The following TOM1L2 variants were observed in gnomAD, a reference collection of about 807,000 sequenced individuals.
TOM1L2 encodes target of myb1 like 2 membrane trafficking protein.
Under a neutral mutation model 67.9 loss-of-function variants are expected in TOM1L2, and 31 were observed. That is an observed-to-expected ratio of 0.46 (90% CI 0.34 to 0.62). The LOEUF is 0.62. Among genes scored for constraint, TOM1L2 ranks in the 20% least tolerant of loss-of-function variants. The pLI is 0.01. For missense variants in TOM1L2, 606 were observed against 663.5 expected (o/e 0.91, Z 0.95); for synonymous variants, 256 against 254.0 (o/e 1.01, Z -0.07).
At chr17:17,909,880 T>C (rs2039267627) in intron 1 of TOM1L2, among the ~76,000 whole-genome samples, 1 of 152,072 alleles carries the variant, frequency 6.6e-6, no homozygotes, top group African/African-American at 2.4e-5. Flanking sequence ...AATTTAAAAA[T>C]TAGCTGGGCA....
intron 4 of TOM1L2, among the ~76,000 whole-genome samples, chr17:17,889,182 G>A (rs1223539926): frequency 2.0e-5 from 3 of 152,198 alleles, no homozygotes; most frequent in African/African-American, 4.8e-5. Context: ...GGGTGGCTAC[G>A]GATGGCTGGA....
intron 10 of TOM1L2, 138 bp downstream of exon 10, chr17:17,866,158 T>G: frequency 9.2e-7 from 1 of 1,084,378 alleles, no homozygotes; most frequent in Admixed American, 3.1e-5. Flanking sequence ...TACAACTGGC[T>G]AGGACTCAGG....
intron 1 of TOM1L2, among the ~76,000 whole-genome samples, chr17:17,923,998 C>T (rs1165920983): frequency 6.6e-6 from 1 of 151,858 alleles, no homozygotes; most frequent in Non-Finnish European, 1.5e-5. Flanking sequence ...ATTAGCCAGG[C>T]ATGGTGGTAT....
intron 1 of TOM1L2, among the ~76,000 whole-genome samples, chr17:17,927,605 A>G (rs1005072011): frequency 2.0e-5 from 3 of 152,080 alleles, no homozygotes; most frequent in Non-Finnish European, 2.9e-5. Context: ...TAGATATTTT[A>G]TGATATTAAG....
chr17:17,895,027 G>T lies in TOM1L2; in HGVS notation c.217-1217C>A, dbSNP rs534665692. Among the ~76,000 whole-genome samples, 16 of 152,154 alleles carry T rather than the reference G, an allele frequency of 1.1e-4. No individual in the cohort carries two copies. The South Asian group carries it at 2.1e-3, about 20-fold the overall frequency. On this transcript the variant is annotated intron_variant, in intron 3 of 14. Transcript: ENST00000379504. Reference sequence around the variant, plus strand: ...TGCACATAGCAAAGTATCCTGCATAGGGGAGGTGCCCAATAACTGATGACC... The same window carrying T: ...TGCACATAGCAAAGTATCCTGCATATGGGAGGTGCCCAATAACTGATGACC...
intron 1 of TOM1L2, among the ~76,000 whole-genome samples, chr17:17,921,816 C>T (rs528992859): frequency 1.0e-3 from 153 of 152,290 alleles, no homozygotes; most frequent in African/African-American, 3.4e-3. Context: ...GTCTGCTTTG[C>T]TGCCAATTTC....
intron 12 of TOM1L2, among the ~76,000 whole-genome samples, chr17:17,852,593 C>T (rs999412424): frequency 2.6e-5 from 4 of 152,148 alleles, no homozygotes; most frequent in Non-Finnish European, 4.4e-5. Flanking sequence ...GAGCAGGGCA[C>T]GGTGGCTCAT....
At position 17,847,474 on chromosome 17, in the gene TOM1L2, G is replaced by T; in HGVS notation, c.*161C>A. 1 of 919,376 alleles carries T rather than the reference G, an allele frequency of 1.1e-6. No individual in the cohort carries two copies. The highest frequency in any genetic ancestry group is 1.6e-6 in the Non-Finnish European group (1 of 626,920). 57.0% of individuals were successfully genotyped at this position (919,376 alleles called of 1,614,324 possible). ...CAGAGAAAAGAAGTGGCTGAAGCTGGTCCTGACTAGTGGGAGGCCTGGGAG... is the reference window on the plus strand; with the variant it reads ...CAGAGAAAAGAAGTGGCTGAAGCTGTTCCTGACTAGTGGGAGGCCTGGGAG... On this transcript the variant is annotated 3_prime_UTR_variant, in exon 15 of 15. Transcript: ENST00000379504.
intron 1 of TOM1L2, among the ~76,000 whole-genome samples, chr17:17,914,072 G>C (rs544417091): frequency 2.0e-5 from 3 of 152,228 alleles, no homozygotes; most frequent in African/African-American, 4.8e-5. Flanking sequence ...GTCTCCTCTT[G>C]AGGAGGCTGC....
chr17:17,922,895 T>C (rs1038355497), intron 1 of TOM1L2, among the ~76,000 whole-genome samples: 2 of 152,118 alleles, frequency 1.3e-5, no homozygotes, highest in Non-Finnish European at 2.9e-5. Flanking sequence ...GTGGCCACCT[T>C]AACTGCCTCC....
At chr17:17,949,917 C>CTAGA (rs1244116191) in intron 1 of TOM1L2, among the ~76,000 whole-genome samples, 5 of 152,128 alleles carry the variant, frequency 3.3e-5, no homozygotes, top group African/African-American at 1.2e-4. Flanking sequence ...GTCACCCAGG[C>CTAGA]TAGAGTGCAG....
At chr17:17,871,137 G>A (rs151152770) in intron 7 of TOM1L2, among the ~76,000 whole-genome samples, 1,722 of 152,342 alleles carry the variant, frequency 0.011, 51 homozygotes, top group Admixed American at 0.066. Context: ...ATTGGAGGCC[G>A]AGGCGGATGG....
chr17:17,912,196 G>A (rs1353404439), intron 1 of TOM1L2, among the ~76,000 whole-genome samples: 3 of 150,812 alleles, frequency 2.0e-5, no homozygotes, highest in African/African-American at 7.3e-5. Flanking sequence ...GGTGGTGGCC[G>A]GGCAGAGGGG....
At chr17:17,888,862 T>G (rs550111090) in intron 4 of TOM1L2, among the ~76,000 whole-genome samples, 2 of 152,298 alleles carry the variant, frequency 1.3e-5, no homozygotes, top group South Asian at 4.1e-4. Context: ...TGGGACTTAA[T>G]GTAAGCAAAC....
chr17:17,940,192 C>CAAAAAAAAAAAAAAAAAAA (rs34433429), intron 1 of TOM1L2, among the ~76,000 whole-genome samples: 1 of 32,604 alleles, frequency 3.1e-5, no homozygotes, highest in African/African-American at 8.8e-5. Flanking sequence ...GACTCTATCT[C>CAAAAAAAAAAAAAAAAAAA]AAAAAAAAAA....
chr17:17,931,161 C>G (rs2040317260), intron 1 of TOM1L2, among the ~76,000 whole-genome samples: 1 of 152,174 alleles, frequency 6.6e-6, no homozygotes, highest in Non-Finnish European at 1.5e-5. Flanking sequence ...CCAAACCAGA[C>G]TCCTCTTTCC....
chr17:17,862,191 A>G (rs1412475761), intron 11 of TOM1L2: 1 of 153,360 alleles, frequency 6.5e-6, no homozygotes, highest in Non-Finnish European at 1.5e-5. Flanking sequence ...TAGGCTGAAC[A>G]GAAAGCTCAA....
chr17:17,898,685 GA>G lies in TOM1L2; in HGVS notation c.138-12del. ...ATGGCATCCTTTGGCCTGGAAAAAA[GA>G]ACAGACATATAAAGATACTTACAAT... On this transcript the variant is annotated splice_polypyrimidine_tract_variant and intron_variant, in intron 2 of 14. Coordinates refer to ENST00000379504, the MANE Select transcript of TOM1L2 (RefSeq NM_001082968.2). 1 of 1,614,148 alleles carries G rather than the reference GA, an allele frequency of 6.2e-7. No individual in the cohort carries two copies. The highest frequency in any genetic ancestry group is 8.5e-7 in the Non-Finnish European group (1 of 1,180,014).
chr17:17,945,269 C>T (rs1335313022), intron 1 of TOM1L2, among the ~76,000 whole-genome samples: 1 of 132,316 alleles, frequency 7.6e-6, no homozygotes, highest in Admixed American at 7.1e-5. Context: ...CACACACATA[C>T]ACACACACAC....
Sources: allele counts gnomAD v4.1 joint callset (sites outside exome capture counted in the v4.1 genomes callset), GRCh38; gene constraint gnomAD v4.1.1; transcripts MANE v1.5; gene names NCBI Gene and HGNC (gene_info 2026-07-23, HGNC 2026-07-21).